KANK1: variants seen among roughly 807,000 people sequenced by gnomAD.
KANK1 encodes KN motif and ankyrin repeat domain-containing protein 1.
Under a neutral mutation model 106.2 loss-of-function variants are expected in KANK1, and 109 were observed. That is an observed-to-expected ratio of 1.03 (90% CI 0.88 to 1.20). The LOEUF is 1.20. Among genes scored for constraint, KANK1 ranks in the 50% most tolerant of loss-of-function variants. KANK1 has a pLI of 0.00. For missense variants in KANK1, 2,399 were observed against 1,710.7 expected (o/e 1.40, Z -7.10); for synonymous variants, 873 against 652.2 (o/e 1.34, Z -5.16).
chr9:471,868 A>G (rs190295849), intron 2 of KANK1, among the ~76,000 whole-genome samples: 1 of 152,276 alleles, frequency 6.6e-6, no homozygotes, highest in East Asian at 1.9e-4. Flanking sequence ...CTGCCATGGT[A>G]GGTGGGTGTT....
At chr9:656,609 C>T (rs923063600) in intron 1 of KANK1, among the ~76,000 whole-genome samples, 5 of 152,056 alleles carry the variant, frequency 3.3e-5, no homozygotes, top group Admixed American at 2.0e-4. Flanking sequence ...ATCTCCATGG[C>T]AGATGCCCCT....
intron 1 of KANK1, among the ~76,000 whole-genome samples, chr9:640,209 G>C (rs192290400): frequency 6.6e-6 from 1 of 152,084 alleles, no homozygotes; most frequent in Non-Finnish European, 1.5e-5. Context: ...CATCTGAATG[G>C]AAACTCCTTT....
intron 2 of KANK1, chr9:706,694 A>G (rs1010924239): frequency 4.2e-6 from 3 of 721,428 alleles, no homozygotes; most frequent in African/African-American, 3.8e-5. Flanking sequence ...ATTAATGATA[A>G]AGGATAACTA....
At chr9:689,539 C>G (rs1819379667) in intron 2 of KANK1, among the ~76,000 whole-genome samples, 1 of 152,072 alleles carries the variant, frequency 6.6e-6, no homozygotes, top group South Asian at 2.1e-4. Context: ...TGGTGCACAC[C>G]TCACAGGAGG....
intron 1 of KANK1, among the ~76,000 whole-genome samples, chr9:598,620 CTTTTTTTTTTTT>C (rs3028166): frequency 0.012 from 549 of 46,684 alleles, 9 homozygotes; most frequent in African/African-American, 0.034. Context: ...TGTTGGTTTT[CTTTTTTTTTTTT>C]TTTTTTTTTT....
chr9:511,098 A>G (rs58677638), intron 1 of KANK1, among the ~76,000 whole-genome samples: 1,919 of 152,342 alleles, frequency 0.013, 41 homozygotes, highest in African/African-American at 0.042. Context: ...TCGATACAAA[A>G]GGTTCACTCT....
At chr9:657,555 TTG>T (rs1452576275) in intron 1 of KANK1, among the ~76,000 whole-genome samples, 1 of 152,066 alleles carries the variant, frequency 6.6e-6, no homozygotes, top group Non-Finnish European at 1.5e-5. Context: ...TTTTTTGTTG[TTG>T]TTTGTTCTTG....
chr9:532,724 C>G (rs981918382), intron 1 of KANK1, among the ~76,000 whole-genome samples: 1 of 152,134 alleles, frequency 6.6e-6, no homozygotes, highest in Non-Finnish European at 1.5e-5. Context: ...GCCTTTATCA[C>G]TGTTTTTGGA....
upstream of KANK1, among the ~76,000 whole-genome samples, chr9:503,093 C>G (rs919563843): frequency 4.0e-5 from 6 of 150,612 alleles, no homozygotes; most frequent in African/African-American, 1.5e-4. Flanking sequence ...CCTGTCTCGG[C>G]CTCCCAAAGT....
At chr9:622,998 G>A (rs1229275496) in intron 1 of KANK1, among the ~76,000 whole-genome samples, 1 of 152,114 alleles carries the variant, frequency 6.6e-6, no homozygotes, top group Non-Finnish European at 1.5e-5. Context: ...ATTGGCCTTG[G>A]CAATGATTTT....
intron 3 of KANK1, chr9:478,517 G>C (rs2058145686): frequency 6.6e-6 from 1 of 152,246 alleles, no homozygotes; most frequent in Admixed American, 6.5e-5. Context: ...GGTATCCAGA[G>C]ACATTGCTAA....
intron 1 of KANK1, among the ~76,000 whole-genome samples, chr9:626,829 C>G (rs990980589): frequency 7.9e-5 from 12 of 152,192 alleles, no homozygotes; most frequent in Non-Finnish European, 1.2e-4. Context: ...TGACATGATG[C>G]TTTCACAATA....
At chr9:661,418 T>C (rs1309996090) in intron 1 of KANK1, among the ~76,000 whole-genome samples, 2 of 152,114 alleles carry the variant, frequency 1.3e-5, no homozygotes, top group Non-Finnish European at 2.9e-5. Context: ...AATGATGGTT[T>C]CCAGCTTCAT....
At chr9:510,583 G>C (rs2058986131) in intron 1 of KANK1, among the ~76,000 whole-genome samples, 1 of 152,220 alleles carries the variant, frequency 6.6e-6, no homozygotes, top group Non-Finnish European at 1.5e-5. Flanking sequence ...GAGACACTGA[G>C]CCTTCTCAAG....
chr9:523,119 C>CT (rs2059624543), intron 1 of KANK1, among the ~76,000 whole-genome samples: 1 of 151,546 alleles, frequency 6.6e-6, no homozygotes, highest in Admixed American at 6.6e-5. Context: ...CCAGCTCTGA[C>CT]TTTTTTCTCC....
At chr9:669,648 A>G (rs576133903) in intron 1 of KANK1, among the ~76,000 whole-genome samples, 1 of 152,136 alleles carries the variant, frequency 6.6e-6, no homozygotes, top group South Asian at 2.1e-4. Context: ...TGCTGCTTTT[A>G]GTATCCTCTT....
At chr9:726,872 A>G (rs1460206642) in intron 3 of KANK1, among the ~76,000 whole-genome samples, 3 of 152,218 alleles carry the variant, frequency 2.0e-5, no homozygotes, top group African/African-American at 7.2e-5. Flanking sequence ...AGGCACAAGA[A>G]TCTCTTGAAC....
intron 1 of KANK1, among the ~76,000 whole-genome samples, chr9:627,055 G>GA (rs35616425): frequency 0.15 from 23,429 of 151,872 alleles, 1,990 homozygotes; most frequent in Admixed American, 0.18. Context: ...TTCCAAGGGG[G>GA]AAAAAAAGGT....
chr9:719,205 G>C (rs1196861858), intron 3 of KANK1, among the ~76,000 whole-genome samples: 1 of 152,042 alleles, frequency 6.6e-6, no homozygotes, highest in East Asian at 1.9e-4. Context: ...CTAACCTCAT[G>C]ATCCACCCAC....
Sources: gnomAD v4.1 joint callset for allele counts (sites outside exome capture counted in the v4.1 genomes callset) on GRCh38, gnomAD v4.1.1 for gene constraint, MANE v1.5 for transcripts, NCBI Gene and HGNC (gene_info 2026-07-23, HGNC 2026-07-21) for gene names.